Variants in LRRC75A observed in about 807,000 individuals in gnomAD.
LRRC75A encodes leucine rich repeat containing 75A.
In LRRC75A, 12 loss-of-function variants were observed where a neutral mutation model predicts 26.0. That is an observed-to-expected ratio of 0.46 (90% CI 0.30 to 0.75). LRRC75A has a LOEUF of 0.75. Ranked by LOEUF, LRRC75A falls within the 30% of genes least tolerant of loss-of-function variation. LRRC75A has a pLI of 0.08. For missense variants in LRRC75A, 410 were observed against 486.6 expected, an observed-to-expected ratio of 0.84 and a Z score of 1.48; for synonymous variants, 223 against 219.3, an observed-to-expected ratio of 1.02 and a Z score of -0.15.
intron 1 of LRRC75A, among the ~76,000 whole-genome samples, chr17:16,489,109 G>A (rs979661026): frequency 1.3e-5 from 2 of 152,184 alleles, no homozygotes; most frequent in South Asian, 4.1e-4. Context: ...AAGATTGTGT[G>A]TAGCTTTTTC....
At chr17:16,446,160 G>C (rs12947945) in intron 3 of LRRC75A, among the ~76,000 whole-genome samples, 99,911 of 152,050 alleles carry the variant, frequency 0.66, 33,599 homozygotes, top group African/African-American at 0.74. Flanking sequence ...CCGCCCATCT[G>C]GGCCTCCCAA....
At chr17:16,468,412 G>C (rs567914949) in intron 1 of LRRC75A, among the ~76,000 whole-genome samples, 5 of 152,326 alleles carry the variant, frequency 3.3e-5, no homozygotes, top group Admixed American at 1.3e-4. Context: ...GCTACAGCAT[G>C]GTGAACCTTG....
At chr17:16,444,257 G>A (rs375435309) in intron 3 of LRRC75A, 126 bp from the exon 4 acceptor site, 34 of 765,562 alleles carry the variant, frequency 4.4e-5, no homozygotes, top group Non-Finnish European at 4.5e-5. Flanking sequence ...CTTGGATGTC[G>A]GATGCCACAA....
At chr17:16,445,291 G>A (rs879793650) in intron 3 of LRRC75A, among the ~76,000 whole-genome samples, 1 of 146,372 alleles carries the variant, frequency 6.8e-6, no homozygotes, top group South Asian at 2.2e-4. Flanking sequence ...TCAGCCTCCC[G>A]AGTAGCTGGG....
At chr17:16,480,124 G>C (rs2093830180) in intron 1 of LRRC75A, among the ~76,000 whole-genome samples, 1 of 152,216 alleles carries the variant, frequency 6.6e-6, no homozygotes, top group Non-Finnish European at 1.5e-5. Context: ...CACCCCAGAT[G>C]GGACCGTCTA....
intron 2 of LRRC75A, among the ~76,000 whole-genome samples, chr17:16,456,191 G>GGT (rs772636869): frequency 1.4e-5 from 1 of 72,988 alleles, no homozygotes; most frequent in African/African-American, 5.7e-5. Context: ...GGAAGAGGAG[G>GGT]AAGGAGGAGG....
intron 3 of LRRC75A, among the ~76,000 whole-genome samples, chr17:16,446,128 T>TGAACTTC (rs1417159921): frequency 1.3e-5 from 2 of 152,168 alleles, no homozygotes; most frequent in African/African-American, 4.8e-5. Context: ...AGGCTGGTCT[T>TGAACTTC]GAACTTCCTA....
In LRRC75A at chr17:16,453,304, ACACACACG is replaced by A. The variant is rs767449379; in HGVS notation, c.376-5352_376-5345del. Among the ~76,000 whole-genome samples the A allele has an allele frequency of 8.1e-3, 1,097 of 135,778 alleles. 10 individuals carry two copies. The highest frequency in any genetic ancestry group is 0.016 in the African/African-American group (530 of 34,062). The allele number at this position is 135,778 out of a possible 152,430, so 89.1% of individuals were successfully genotyped here. A position where few individuals can be genotyped will look rare whatever the true frequency, so the allele number is the denominator to read the frequency against. On this transcript the variant is annotated intron_variant, in intron 2 of 3. Coordinates refer to ENST00000470794, the MANE Select transcript of LRRC75A (RefSeq NM_001113567.3). ...ACTGGTGTGGGACTCCTAAACACACACACACACGCACACACGCACACACGCACACGCAC... is the reference window on the plus strand; with the variant it reads ...ACTGGTGTGGGACTCCTAAACACACACACACACGCACACACGCACACGCAC...
chr17:16,490,213 C>T (rs77627214), intron 1 of LRRC75A, among the ~76,000 whole-genome samples: 9,496 of 152,278 alleles, frequency 0.062, 308 homozygotes, highest in African/African-American at 0.072. Context: ...TCCCCCAAAG[C>T]ACCCATTGCA....
chr17:16,455,440 G>T (rs1036667236), intron 2 of LRRC75A, among the ~76,000 whole-genome samples: 2 of 150,520 alleles, frequency 1.3e-5, no homozygotes, highest in African/African-American at 4.9e-5. Context: ...GTGCAGTGGC[G>T]CAATCTCAGC....
intron 1 of LRRC75A, among the ~76,000 whole-genome samples, chr17:16,467,068 G>C (rs1357239147): frequency 6.6e-6 from 1 of 152,160 alleles, no homozygotes; most frequent in Non-Finnish European, 1.5e-5. Flanking sequence ...CAAAAATGGG[G>C]AGCAACACCA....
intron 1 of LRRC75A, among the ~76,000 whole-genome samples, chr17:16,490,365 G>C (rs1358605787): frequency 1.3e-5 from 2 of 152,202 alleles, no homozygotes; most frequent in African/African-American, 4.8e-5. Context: ...ATTTTCAAAA[G>C]ACAAAGAAAT....
At chr17:16,472,712 C>T (rs11868473) in intron 1 of LRRC75A, among the ~76,000 whole-genome samples, 2,547 of 152,252 alleles carry the variant, frequency 0.017, 68 homozygotes, top group African/African-American at 0.058. Context: ...CCATTTAAAA[C>T]GGGTAATTGA....
At chr17:16,482,675 G>T (rs2093837330) in intron 1 of LRRC75A, among the ~76,000 whole-genome samples, 1 of 152,232 alleles carries the variant, frequency 6.6e-6, no homozygotes, top group Non-Finnish European at 1.5e-5. Flanking sequence ...GGCCCCCATG[G>T]CCAGAGACAA....
At chr17:16,482,593 T>C (rs1420115960) in intron 1 of LRRC75A, among the ~76,000 whole-genome samples, 2 of 152,154 alleles carry the variant, frequency 1.3e-5, no homozygotes, top group Non-Finnish European at 2.9e-5. Flanking sequence ...AGCGCCTGTG[T>C]CCACTCATGA....
At chr17:16,484,314 G>A (rs138929609) in intron 1 of LRRC75A, among the ~76,000 whole-genome samples, 97 of 152,092 alleles carry the variant, frequency 6.4e-4, no homozygotes, top group African/African-American at 2.1e-3. Flanking sequence ...CCAGCCTGGC[G>A]ACAGAGCGAG....
At chr17:16,468,358 C>A (rs755107237) in intron 1 of LRRC75A, among the ~76,000 whole-genome samples, 15 of 152,160 alleles carry the variant, frequency 9.9e-5, no homozygotes, top group Non-Finnish European at 2.1e-4. Flanking sequence ...AGCCACGCAA[C>A]GAAATATTAT....
At chr17:16,453,772 T>A (rs941411) in intron 2 of LRRC75A, among the ~76,000 whole-genome samples, 32,066 of 151,982 alleles carry the variant, frequency 0.21, 3,749 homozygotes, top group Middle Eastern at 0.3. Flanking sequence ...GCAAAGTTTT[T>A]CTGCCCTTCT....
At chr17:16,450,045 C>T (rs1023916391) in intron 2 of LRRC75A, among the ~76,000 whole-genome samples, 21 of 152,178 alleles carry the variant, frequency 1.4e-4, no homozygotes, top group African/African-American at 4.8e-4. Context: ...GGGTGTGTTA[C>T]TGACATGAGG....
Sources: allele counts gnomAD v4.1 joint callset (sites outside exome capture counted in the v4.1 genomes callset), GRCh38; gene constraint gnomAD v4.1.1; transcripts MANE v1.5; gene names NCBI Gene and HGNC (gene_info 2026-07-23, HGNC 2026-07-21).